Variants in XXYLT1 observed in about 807,000 individuals in gnomAD.
The protein encoded by XXYLT1 is xyloside xylosyltransferase 1.
XXYLT1 carries 20 observed loss-of-function variants against 28.9 expected under a neutral mutation model. That is an observed-to-expected ratio of 0.69 (90% CI 0.49 to 1.00). The LOEUF is 1.00. Among genes scored for constraint, XXYLT1 ranks in the 50% least tolerant of loss-of-function variants. The probability of loss-of-function intolerance (pLI) is 0.00; values close to 1 mark genes in which losing one functional copy is unlikely to be tolerated. For missense variants in XXYLT1, 542 were observed against 560.1 expected (o/e 0.97, Z 0.33); for synonymous variants, 257 against 253.8 (o/e 1.01, Z -0.12).
chr3:195,085,006 A>G (rs937418844), intron 3 of XXYLT1, among the ~76,000 whole-genome samples: 2 of 152,230 alleles, frequency 1.3e-5, no homozygotes, highest in African/African-American at 4.8e-5. Flanking sequence ...TCGAAATGCC[A>G]AAAACCTCCA....
rs1720128992 is a variant in XXYLT1 at position 195,150,337 on chromosome 3, C to A, written c.785+6112G>T. Among the ~76,000 whole-genome samples, 3 of 152,194 alleles carry A rather than the reference C, an allele frequency of 2.0e-5. No homozygotes were observed. Among genetic ancestry groups the A allele is most frequent in the African/African-American group, 7.2e-5 (3 of 41,428 alleles). On this transcript the variant is annotated intron_variant, in intron 3 of 3. Coordinates refer to ENST00000310380, the MANE Select transcript of XXYLT1 (RefSeq NM_152531.5). The surrounding 1 kb of genome is among the most constrained non-coding windows in gnomAD (Gnocchi z 4.7). ...GAGTGGTAGAGGTAGTCAGTCCACA[C>A]CCTCCCTTCTTCCCTCTGTGCTGGC...
Position 195,069,925 on chromosome 3 carries a change from G to C in XXYLT1, c.972C>G (p.Phe324Leu), listed in dbSNP as rs746216112. The change falls in exon 4 of 4, where the codon TTC becomes TTG. Residue 324 changes from phenylalanine (F) to leucine (L), a missense_variant. Physicochemically the swap from Phe to Leu is conservative, Grantham distance 22 (BLOSUM62 0). Coordinates refer to ENST00000310380, the MANE Select transcript of XXYLT1 (RefSeq NM_152531.5). Reference sequence around the variant, plus strand: ...AGTCCTGGTCCCCGAGGTGGCCGCGGAAGTGGTACTTGTCGGCCAGCTGCT... The same window carrying C: ...AGTCCTGGTCCCCGAGGTGGCCGCGCAAGTGGTACTTGTCGGCCAGCTGCT... ...QVQQLADKYHFRGHLGDQDFF... is the reference protein window; with the variant it reads ...QVQQLADKYHLRGHLGDQDFF... 1.2e-6 allele frequency: 2 copies of C among 1,613,612 alleles called. No homozygotes were observed. Among genetic ancestry groups the C allele is most frequent in the Non-Finnish European group, 1.7e-6 (2 of 1,179,902 alleles).
intron 3 of XXYLT1, among the ~76,000 whole-genome samples, chr3:195,075,124 C>T (rs1377645021): frequency 3.3e-5 from 5 of 152,238 alleles, no homozygotes; most frequent in African/African-American, 7.2e-5. Context: ...TGGTGGCGTG[C>T]GCCTGTAATC....
chr3:195,072,973 C>G (rs1714909707), intron 3 of XXYLT1, among the ~76,000 whole-genome samples: 1 of 152,188 alleles, frequency 6.6e-6, no homozygotes, highest in African/African-American at 2.4e-5. Flanking sequence ...GGCAGTACCG[C>G]CAATCCCCCC....
At chr3:195,219,228 G>A (rs1577161354) in intron 2 of XXYLT1, among the ~76,000 whole-genome samples, 1 of 152,002 alleles carries the variant, frequency 6.6e-6, no homozygotes, top group East Asian at 1.9e-4. Context: ...TGACGAGTTA[G>A]TGGGTGCAGC....
intron 1 of XXYLT1, among the ~76,000 whole-genome samples, chr3:195,267,969 A>G (rs1577213691): frequency 1.3e-5 from 2 of 152,230 alleles, no homozygotes; most frequent in Admixed American, 1.3e-4. Flanking sequence ...CACAAACAGA[A>G]AAATTTACAA....
Position 195,100,280 on chromosome 3 carries a change from C to A in XXYLT1, c.786-30169G>T, listed in dbSNP as rs1289232756. On this transcript the variant is annotated intron_variant, in intron 3 of 3. Transcript: ENST00000310380. ...TCCTACTGGTCTCCGAATCTCCTGCCTCCACACCTAGCATGGGGTCCTATC... is the reference window on the plus strand; with the variant it reads ...TCCTACTGGTCTCCGAATCTCCTGCATCCACACCTAGCATGGGGTCCTATC... Among the ~76,000 whole-genome samples the A allele has an allele frequency of 2.0e-5, 3 of 152,270 alleles. No individual in the cohort carries two copies. The South Asian group carries it at 6.2e-4, about 32-fold the overall frequency.
At chr3:195,088,218 C>T (rs1231406523) in intron 3 of XXYLT1, among the ~76,000 whole-genome samples, 3 of 151,582 alleles carry the variant, frequency 2.0e-5, no homozygotes, top group African/African-American at 7.3e-5. Context: ...CTGTAGGCTC[C>T]ACCTCTGGGG....
chr3:195,157,816 G>A (rs546786626), intron 2 of XXYLT1, among the ~76,000 whole-genome samples: 1 of 152,342 alleles, frequency 6.6e-6, no homozygotes, highest in East Asian at 1.9e-4. Context: ...CTGGGAATCA[G>A]AACACACGAG....
At position 195,141,076 on chromosome 3, in the gene XXYLT1, C is replaced by G. The variant is rs180833366; in HGVS notation, c.785+15373G>C. 1.5e-4 allele frequency among the ~76,000 whole-genome samples: 23 copies of G among 152,316 alleles called. No individual in the cohort carries two copies. In the East Asian group the frequency reaches 4.2e-3, roughly 28 times the overall value. ...CCAGGAAGTAGGCCCTCACCACATA[C>G]CTGATCTGCCAGCACCTTGATCTTG... On this transcript the variant is annotated intron_variant, in intron 3 of 3. Coordinates refer to ENST00000310380, the MANE Select transcript of XXYLT1 (RefSeq NM_152531.5).
At chr3:195,166,123 T>A (rs1721107289) in intron 2 of XXYLT1, among the ~76,000 whole-genome samples, 1 of 152,010 alleles carries the variant, frequency 6.6e-6, no homozygotes, top group South Asian at 2.1e-4. Flanking sequence ...CCCCTTCCCA[T>A]GGAGCAGAAG....
intron 1 of XXYLT1, among the ~76,000 whole-genome samples, chr3:195,228,024 C>T (rs772827890): frequency 6.6e-6 from 1 of 152,180 alleles, no homozygotes; most frequent in East Asian, 1.9e-4. Context: ...GATCCTTCTA[C>T]GACACACAGG....
intron 3 of XXYLT1, among the ~76,000 whole-genome samples, chr3:195,092,925 A>G (rs1378177453): frequency 1.8e-5 from 2 of 111,352 alleles, no homozygotes; most frequent in African/African-American, 9.2e-5. Context: ...AACCACATGA[A>G]AAAATGCTCA....
intron 3 of XXYLT1, among the ~76,000 whole-genome samples, chr3:195,130,293 T>G (rs991238139): frequency 6.6e-6 from 1 of 152,066 alleles, no homozygotes; most frequent in East Asian, 1.9e-4. Context: ...GGCTTTGAAG[T>G]GACAATGATC....
Position 195,110,306 on chromosome 3 carries a change from ATG to A in XXYLT1, c.786-40197_786-40196del, listed in dbSNP as rs1560100718. On this transcript the variant is annotated intron_variant, in intron 3 of 3. Transcript: ENST00000310380. ...GGGTGTATGTGTGCGTGTGTGGTAT[ATG>A]TGTGTGTGGGTGAGGGTGAGGTGTG... Among the ~76,000 whole-genome samples the A allele has an allele frequency of 3.2e-3, 21 of 6,580 alleles. 1 individual carries two copies. The highest frequency in any genetic ancestry group is 0.012 in the African/African-American group (18 of 1,550). The allele number at this position is 6,580 out of a possible 152,430, so 4.3% of individuals were successfully genotyped here. A position where few individuals can be genotyped will look rare whatever the true frequency, so the allele number is the denominator to read the frequency against.
Position 195,069,869 on chromosome 3 carries a change from T to A in XXYLT1, c.1028A>T (p.Lys343Met). 1 of 1,614,124 alleles carries A rather than the reference T, an allele frequency of 6.2e-7. No individual in the cohort carries two copies. The highest frequency in any genetic ancestry group is 8.5e-7 in the Non-Finnish European group (1 of 1,180,012). Residue 343 changes from lysine (K) to methionine (M), a missense_variant, in exon 4 of 4, where the codon AAG becomes ATG. Transcript: ENST00000310380. ...FFTMIGMEHP[K>M]LFHVLDCTWN... The stretch of plus-strand genomic sequence containing the variant: ...GGTACAGTCCAGCACATGGAAGAGC[T>A]TGGGGTGCTCCATGCCGATCATGGT...
At chr3:195,160,263 C>T (rs1027449418) in intron 2 of XXYLT1, among the ~76,000 whole-genome samples, 1 of 152,188 alleles carries the variant, frequency 6.6e-6, no homozygotes, top group Non-Finnish European at 1.5e-5. Flanking sequence ...TGCCTACTGT[C>T]CTGGGAAACA....
intron 1 of XXYLT1, among the ~76,000 whole-genome samples, chr3:195,243,585 G>C (rs1210341980): frequency 6.6e-6 from 1 of 152,148 alleles, no homozygotes; most frequent in Non-Finnish European, 1.5e-5. Flanking sequence ...TGATAGACGG[G>C]TAGAGCCACA....
At chr3:195,169,928 C>T (rs1008609079) in intron 2 of XXYLT1, among the ~76,000 whole-genome samples, 2 of 150,392 alleles carry the variant, frequency 1.3e-5, no homozygotes, top group East Asian at 1.9e-4. Context: ...TGTAATGGCA[C>T]GATCTCGGCT....
Sources: allele counts gnomAD v4.1 joint callset (sites outside exome capture counted in the v4.1 genomes callset), GRCh38; gene constraint gnomAD v4.1.1; non-coding constraint Gnocchi (gnomAD v3.1); transcripts MANE v1.5; gene names NCBI Gene and HGNC (gene_info 2026-07-23, HGNC 2026-07-21).